SLIT2: variants seen among roughly 807,000 people sequenced by gnomAD.
SLIT2 encodes the protein slit homolog 2 protein.
A neutral mutation model predicts 185.7 loss-of-function variants in SLIT2; 41 were observed. That is an observed-to-expected ratio of 0.22 (90% CI 0.17 to 0.29). The LOEUF is 0.29. Among genes scored for constraint, SLIT2 ranks in the 10% least tolerant of loss-of-function variants. SLIT2 has a pLI of 1.00. For missense variants in SLIT2, 1,571 were observed against 1,909.0 expected (o/e 0.82, Z 3.30); for synonymous variants, 693 against 680.2 (o/e 1.02, Z -0.29).
Position 20,524,145 on chromosome 4 carries a change from G to A in SLIT2, c.1406G>A (p.Gly469Glu). Residue 469 changes from glycine (G) to glutamate (E), a missense_variant, in exon 14 of 37, where the codon GGA (glycine) becomes GAA (glutamate). Gly to Glu is a moderately conservative substitution (Grantham distance 98). This residue lies in a region of SLIT2 where 1,202 missense variants were observed against 1,416.4 expected (regional missense o/e 0.85). Coordinates refer to ENST00000504154, the MANE Select transcript of SLIT2 (RefSeq NM_004787.4). Reference sequence around the variant, plus strand: ...CGCCGCCTGGCAAACAAAAGAATTGGACAGATCAAAAGCAAGAAATTCCGT... The same window carrying A: ...CGCCGCCTGGCAAACAAAAGAATTGAACAGATCAAAAGCAAGAAATTCCGT... Reference protein sequence around the residue: ...SPRRLANKRIGQIKSKKFRCS... With the variant: ...SPRRLANKRIEQIKSKKFRCS... 1 of 1,614,126 alleles carries A rather than the reference G, an allele frequency of 6.2e-7. No homozygotes were observed. Among genetic ancestry groups the A allele is most frequent in the Non-Finnish European group, 8.5e-7 (1 of 1,180,042 alleles).
intron 4 of SLIT2, among the ~76,000 whole-genome samples, chr4:20,298,026 C>T (rs368532472): frequency 1.3e-5 from 2 of 151,812 alleles, no homozygotes. Flanking sequence ...TGCTTGAGTA[C>T]TGGATCCTAA....
intron 4 of SLIT2, among the ~76,000 whole-genome samples, chr4:20,308,735 A>T (rs573685958): frequency 6.6e-6 from 1 of 152,300 alleles, no homozygotes; most frequent in Non-Finnish European, 1.5e-5. Context: ...ACTTATAAAA[A>T]TGTTGGTAAA....
chr4:20,472,386 G>GATATATAGATATCTATATCTCTATATA (rs1560453735), intron 5 of SLIT2, among the ~76,000 whole-genome samples: 2 of 38,394 alleles, frequency 5.2e-5, no homozygotes, highest in Non-Finnish European at 7.8e-5. Flanking sequence ...CTATATATAT[G>GATATATAGATATCTATATCTCTATATA]TAGATATATA....
At chr4:20,462,457 T>C (rs2148732035) in intron 4 of SLIT2, among the ~76,000 whole-genome samples, 1 of 152,330 alleles carries the variant, frequency 6.6e-6, no homozygotes, top group African/African-American at 2.4e-5. Flanking sequence ...CCATTGTTGT[T>C]TGCTTATTCA....
chr4:20,281,502 A>G (rs1714771711), intron 4 of SLIT2, among the ~76,000 whole-genome samples: 1 of 152,198 alleles, frequency 6.6e-6, no homozygotes, highest in South Asian at 2.1e-4. Context: ...GAACCTGAAT[A>G]CCCTGAAGGC....
At chr4:20,471,821 T>C (rs149747655) in intron 5 of SLIT2, among the ~76,000 whole-genome samples, 1 of 152,288 alleles carries the variant, frequency 6.6e-6, no homozygotes, top group East Asian at 1.9e-4. Flanking sequence ...ACACTAAAAC[T>C]ATTCTAAACA....
At position 20,608,350 on chromosome 4, in the gene SLIT2, C is replaced by A. The variant is rs540556820; in HGVS notation, c.3693-1663C>A. ...TGACTACAGAGTCTATATGCTTAAC[C>A]ATTAGCCAATGTTACTACTTGGCAT... On this transcript the variant is annotated intron_variant, in intron 33 of 36. Coordinates refer to ENST00000504154, the MANE Select transcript of SLIT2 (RefSeq NM_004787.4). Among the ~76,000 whole-genome samples the A allele has an allele frequency of 3.9e-5, 6 of 152,234 alleles. No individual in the cohort carries two copies. The East Asian group carries it at 9.7e-4, about 24-fold the overall frequency.
At chr4:20,594,089 T>C (rs964497004) in intron 30 of SLIT2, among the ~76,000 whole-genome samples, 2 of 149,310 alleles carry the variant, frequency 1.3e-5, no homozygotes, top group African/African-American at 2.5e-5. Flanking sequence ...AGCTAAGTTA[T>C]ACTTTTCTCA....
chr4:20,587,234 G>A (rs1423817237), intron 29 of SLIT2, among the ~76,000 whole-genome samples: 1 of 152,016 alleles, frequency 6.6e-6, no homozygotes, highest in Non-Finnish European at 1.5e-5. Flanking sequence ...GGCCAAGCTG[G>A]TCTCGAACTC....
Position 20,268,812 on chromosome 4 carries a change from G to T in SLIT2, c.326G>T (p.Arg109Leu), listed in dbSNP as rs369657409. Residue 109 changes from arginine to leucine, a missense_variant and splice_region_variant, in exon 4 of 37, where the codon CGT becomes CTT. By Grantham distance (102) the Arg-to-Leu change is moderately radical. Coordinates refer to ENST00000504154, the MANE Select transcript of SLIT2 (RefSeq NM_004787.4). ...FQDLKELERL[R>L]LNRNHLQLFP... is the part of the protein sequence containing the mutation. ...CTTTGTTTTTGTTTTCTCAAAAGGC[G>T]TTTAAACAGAAATCACCTTCAGCTG... 7 of 1,608,742 alleles carry T rather than the reference G, an allele frequency of 4.4e-6. No individual in the cohort carries two copies. Among genetic ancestry groups the T allele is most frequent in the Non-Finnish European group, 1.7e-6 (2 of 1,175,798 alleles).
At chr4:20,544,392 TG>T (rs1320289027) in intron 21 of SLIT2, among the ~76,000 whole-genome samples, 1 of 152,138 alleles carries the variant, frequency 6.6e-6, no homozygotes, top group Non-Finnish European at 1.5e-5. Context: ...TAAGCTCCAT[TG>T]GACATCCTGC....
Position 20,337,165 on chromosome 4 carries a change from C to G in SLIT2, c.395+68284C>G, listed in dbSNP as rs141217453. On this transcript the variant is annotated intron_variant, in intron 4 of 36. Coordinates refer to ENST00000504154, the MANE Select transcript of SLIT2 (RefSeq NM_004787.4). ...TTCACTCTGCTGATAAAGACATACC[C>G]GAGACTAGGTAATTTATACAGGAAA... 5.3e-4 allele frequency among the ~76,000 whole-genome samples: 81 copies of G among 152,144 alleles called. No homozygotes were observed. The East Asian group carries it at 0.015, about 28-fold the overall frequency.
At chr4:20,277,782 C>T (rs188198282) in intron 4 of SLIT2, among the ~76,000 whole-genome samples, 140 of 148,954 alleles carry the variant, frequency 9.4e-4, no homozygotes, top group African/African-American at 3.1e-3. Context: ...TATATACACA[C>T]ACAAACACAA....
At chr4:20,382,758 A>G (rs545222450) in intron 4 of SLIT2, among the ~76,000 whole-genome samples, 30 of 152,298 alleles carry the variant, frequency 2.0e-4, no homozygotes, top group African/African-American at 7.0e-4. Flanking sequence ...CTTCCACTCA[A>G]AATATCCACA....
chr4:20,491,638 TATC>T (rs1247893926), intron 8 of SLIT2, 120 bp from the exon 9 acceptor site: 2 of 768,044 alleles, frequency 2.6e-6, no homozygotes, highest in Non-Finnish European at 4.1e-6. Flanking sequence ...AGGACCATTT[TATC>T]ATCATGTATT....
intron 5 of SLIT2, among the ~76,000 whole-genome samples, chr4:20,477,042 A>G (rs1282682617): frequency 6.6e-6 from 1 of 152,040 alleles, no homozygotes; most frequent in Non-Finnish European, 1.5e-5. Flanking sequence ...CTCTTAATAT[A>G]TGGAGCCCAT....
rs1478432123 is a variant in SLIT2, at chr4:20,491,998, CA to C, written c.914+101del. 3.5e-6 allele frequency: 4 copies of C among 1,147,062 alleles called. No homozygotes were observed. In the Admixed American group the frequency reaches 6.3e-5, roughly 18 times the overall value. The allele number at this position is 1,147,062 out of a possible 1,614,324, so 71.1% of individuals were successfully genotyped here. The stretch of plus-strand genomic sequence containing the variant: ...TGAGTTTATCGAAGGCACATCTGAT[CA>C]ATTGGCTTAGACAAATGTTCTCTTC... On this transcript the variant is annotated intron_variant, in intron 9 of 36. Coordinates refer to ENST00000504154, the MANE Select transcript of SLIT2 (RefSeq NM_004787.4).
intron 3 of SLIT2, among the ~76,000 whole-genome samples, chr4:20,259,306 C>G (rs1712191347): frequency 6.6e-6 from 1 of 151,758 alleles, no homozygotes; most frequent in Non-Finnish European, 1.5e-5. Context: ...TAGTAAGTAA[C>G]TTGCAAAGAT....
intron 4 of SLIT2, among the ~76,000 whole-genome samples, chr4:20,445,338 G>T (rs1298469911): frequency 1.3e-5 from 2 of 152,080 alleles, no homozygotes; most frequent in South Asian, 2.1e-4. Context: ...TATGAATTTG[G>T]ATCCATTTAA....
Sources: allele counts gnomAD v4.1 joint callset (sites outside exome capture counted in the v4.1 genomes callset), GRCh38; gene constraint gnomAD v4.1.1; regional missense constraint gnomAD v4.1.1; transcripts MANE v1.5; gene names NCBI Gene and HGNC (gene_info 2026-07-23, HGNC 2026-07-21).